Variants in PSEN1 observed in about 807,000 individuals in gnomAD.
The protein encoded by PSEN1 is presenilin 1.
PSEN1 carries 15 observed loss-of-function variants against 53.5 expected under a neutral mutation model. The ratio of observed to expected loss-of-function variants is 0.28; its 90% CI spans 0.19 to 0.43. PSEN1 has a LOEUF of 0.43. Ranked by LOEUF, PSEN1 falls within the 20% of genes least tolerant of loss-of-function variation. The pLI is 1.00. For synonymous variants in PSEN1, 208 were observed against 209.8 expected, an observed-to-expected ratio of 0.99 and a Z score of 0.08; for missense variants, 387 against 571.2, an observed-to-expected ratio of 0.68 and a Z score of 3.29.
intron 3 of PSEN1, among the ~76,000 whole-genome samples, chr14:73,162,447 G>GCTCT (rs35573180): frequency 4.2e-4 from 61 of 146,102 alleles, no homozygotes; most frequent in Middle Eastern, 3.5e-3. Flanking sequence ...TCGCTCGCGC[G>GCTCT]CTCTCTCTCT....
chr14:73,196,015 C>G (rs923508212), intron 7 of PSEN1, among the ~76,000 whole-genome samples: 2 of 152,184 alleles, frequency 1.3e-5, no homozygotes, highest in Non-Finnish European at 2.9e-5. Context: ...GTCTGCACAT[C>G]ATACAAATGA....
intron 10 of PSEN1, among the ~76,000 whole-genome samples, chr14:73,216,014 A>G (rs1332836365): frequency 6.6e-6 from 1 of 152,228 alleles, no homozygotes; most frequent in Non-Finnish European, 1.5e-5. Flanking sequence ...TCATAGCAGC[A>G]TTATTCAGAA....
At chr14:73,205,690 C>T (rs562945570) in intron 8 of PSEN1, among the ~76,000 whole-genome samples, 1 of 152,108 alleles carries the variant, frequency 6.6e-6, no homozygotes. Flanking sequence ...TACCAAATTT[C>T]CCTCCAGTGG....
chr14:73,152,916 C>T (rs988333996), intron 3 of PSEN1, among the ~76,000 whole-genome samples: 2 of 151,922 alleles, frequency 1.3e-5, no homozygotes, highest in Non-Finnish European at 2.9e-5. Context: ...GGTGGTGCGC[C>T]CTTGTAATCC....
rs1899237155 is a variant in PSEN1 at position 73,202,433 on chromosome 14, TATATATATATATATATATATATATATA to T, written c.869-3952_869-3926del. ...CTATCACATACTATATATATATATA[TATATATATATATATATATATATATATA>T]TATTTTTTTTTTTTTTTTTTTTTTT... On this transcript the variant is annotated intron_variant, in intron 8 of 11. Coordinates refer to ENST00000324501, the MANE Select transcript of PSEN1 (RefSeq NM_000021.4). Among the ~76,000 whole-genome samples, 5 of 12,702 alleles carry T rather than the reference TATATATATATATATATATATATATATA, an allele frequency of 3.9e-4. No individual in the cohort carries two copies. In the South Asian group the frequency reaches 0.01, roughly 26 times the overall value. The allele number at this position is 12,702 out of a possible 152,430, so 8.3% of individuals were successfully genotyped here. A position where few individuals can be genotyped will look rare whatever the true frequency, so the allele number is the denominator to read the frequency against.
intron 1 of PSEN1, among the ~76,000 whole-genome samples, chr14:73,145,226 TCTTTG>T (rs1343827496): frequency 6.6e-6 from 1 of 152,096 alleles, no homozygotes; most frequent in African/African-American, 2.4e-5. Flanking sequence ...CATTACCCTT[TCTTTG>T]CCTTGTTTCA....
chr14:73,206,449 A>G lies in PSEN1; in HGVS notation c.932A>G (p.Lys311Arg), dbSNP rs115865530. 111 of 1,613,740 alleles carry G rather than the reference A, an allele frequency of 6.9e-5. No individual in the cohort carries two copies. The East Asian group carries it at 8.0e-4, about 12-fold the overall frequency. The change falls in exon 9 of 12, where the codon AAA becomes AGA. Residue 311 changes from lysine (K) to arginine (R), a missense_variant. Around this residue, in one of 4 missense-constraint regions of PSEN1, gnomAD observed 169 missense variants for 299.7 expected, o/e 0.56. Coordinates refer to ENST00000324501, the MANE Select transcript of PSEN1 (RefSeq NM_000021.4). The part of the protein sequence containing the change: ...GDPEAQRRVS[K>R]NSKYNAESTE... ...CCGGAAGCTCAAAGGAGAGTATCCA[A>G]AAATTCCAAGTATAATGCAGAAAGT...
rs1392763719 is a variant in PSEN1 at position 73,222,965 on chromosome 14, A to G, written c.*3676A>G. The G allele has an allele frequency of 6.6e-6, 1 of 152,222 alleles. No individual in the cohort carries two copies. The highest frequency in any genetic ancestry group is 1.5e-5 in the Non-Finnish European group (1 of 68,042). 9.4% of individuals were successfully genotyped at this position (152,222 alleles called of 1,614,324 possible). On this transcript the variant is annotated 3_prime_UTR_variant, in exon 12 of 12. Transcript: ENST00000324501. Reference sequence around the variant, plus strand: ...ATTTGGTTTTGCCCTTGGGCTGGAAACTATCATATAATCATAAGTTTGAGC... The same window carrying G: ...ATTTGGTTTTGCCCTTGGGCTGGAAGCTATCATATAATCATAAGTTTGAGC...
chr14:73,178,170 T>A (rs1036773518), intron 5 of PSEN1, among the ~76,000 whole-genome samples: 2 of 151,500 alleles, frequency 1.3e-5, no homozygotes, highest in African/African-American at 4.9e-5. Flanking sequence ...TCCGCCTGCC[T>A]GGGCCTCCCA....
intron 6 of PSEN1, chr14:73,189,862 CT>C: frequency 4.2e-6 from 1 of 235,400 alleles, no homozygotes; most frequent in South Asian, 5.4e-5. Context: ...CCAAGAAGCC[CT>C]TGACCTTTAC....
At chr14:73,140,356 G>A (rs999923252) in intron 1 of PSEN1, among the ~76,000 whole-genome samples, 3 of 151,652 alleles carry the variant, frequency 2.0e-5, no homozygotes, top group South Asian at 4.2e-4. Flanking sequence ...GACTACAGGC[G>A]TGTGCCACCA....
At chr14:73,196,368 G>T (rs1595039920) in intron 7 of PSEN1, among the ~76,000 whole-genome samples, 1 of 149,212 alleles carries the variant, frequency 6.7e-6, no homozygotes. Flanking sequence ...CTTTGTGTAT[G>T]TGTGTTTTAT....
intron 10 of PSEN1, among the ~76,000 whole-genome samples, chr14:73,215,860 T>G (rs547378176): frequency 6.6e-6 from 1 of 152,326 alleles, no homozygotes; most frequent in Admixed American, 6.5e-5. Context: ...AAATTCAGAC[T>G]GGTACAGCCA....
intron 1 of PSEN1, among the ~76,000 whole-genome samples, chr14:73,144,416 A>G (rs1897012766): frequency 6.6e-6 from 1 of 152,198 alleles, no homozygotes; most frequent in Non-Finnish European, 1.5e-5. Context: ...TTCAGTTTTG[A>G]ATTTATACTT....
chr14:73,198,323 A>G (rs140082086), intron 8 of PSEN1, among the ~76,000 whole-genome samples, 194 bp downstream of exon 8: 7 of 152,362 alleles, frequency 4.6e-5, no homozygotes, highest in Non-Finnish European at 8.8e-5. Flanking sequence ...AGAGTTTTCA[A>G]TATGAATAGA....
At chr14:73,162,975 A>C (rs1446331087) in intron 3 of PSEN1, among the ~76,000 whole-genome samples, 2 of 151,958 alleles carry the variant, frequency 1.3e-5, no homozygotes. Flanking sequence ...TTTATTTTTA[A>C]TTTTTGCTTT....
intron 1 of PSEN1, among the ~76,000 whole-genome samples, chr14:73,139,099 C>T (rs1207673277): frequency 6.7e-6 from 1 of 150,144 alleles, no homozygotes; most frequent in Non-Finnish European, 1.5e-5. Context: ...CTGGCTCACG[C>T]GGTGAAACCC....
intron 7 of PSEN1, among the ~76,000 whole-genome samples, chr14:73,194,577 T>C (rs1005613769): frequency 3.4e-5 from 5 of 149,164 alleles, no homozygotes; most frequent in Non-Finnish European, 5.9e-5. Flanking sequence ...TTTTTTTTTT[T>C]TTTTTTTTCA....
At chr14:73,169,992 G>A (rs967040812) in intron 3 of PSEN1, among the ~76,000 whole-genome samples, 2 of 152,182 alleles carry the variant, frequency 1.3e-5, no homozygotes, top group Non-Finnish European at 1.5e-5. Context: ...CTGGGAAAGA[G>A]GTGGGCAATT....
Sources: gnomAD v4.1 joint callset for allele counts (sites outside exome capture counted in the v4.1 genomes callset) on GRCh38, gnomAD v4.1.1 for gene constraint, gnomAD v4.1.1 regional missense constraint, MANE v1.5 for transcripts, NCBI Gene and HGNC (gene_info 2026-07-23, HGNC 2026-07-21) for gene names.